Variants in CCNY observed in about 807,000 individuals in gnomAD.
The protein encoded by CCNY is cyclin Y.
Under a neutral mutation model 42.8 loss-of-function variants are expected in CCNY, and 19 were observed. The observed-to-expected ratio is 0.44, with a 90% confidence interval of 0.31 to 0.65. The LOEUF (loss-of-function observed/expected upper bound fraction) is 0.65, where lower values mean the gene tolerates loss of function less well. Ranked by LOEUF, CCNY falls within the 30% of genes least tolerant of loss-of-function variation. The pLI is 0.07. For synonymous variants in CCNY, 165 were observed against 162.7 expected, an observed-to-expected ratio of 1.01 and a Z score of -0.11; for missense variants, 370 against 437.3, an observed-to-expected ratio of 0.85 and a Z score of 1.37.
intron 1 of CCNY, among the ~76,000 whole-genome samples, chr10:35,357,081 C>T (rs894651975): frequency 2.7e-5 from 4 of 148,280 alleles, no homozygotes; most frequent in Non-Finnish European, 4.5e-5. Context: ...CAAAGCTCAT[C>T]ACCTGGCTGG....
chr10:35,333,193 G>A (rs759931075), upstream of CCNY, among the ~76,000 whole-genome samples: 1 of 152,128 alleles, frequency 6.6e-6, no homozygotes, highest in Non-Finnish European at 1.5e-5. Context: ...ACAATGCTCA[G>A]TGTGTACCTC....
chr10:35,506,738 CG>C (rs111296295), intron 3 of CCNY, among the ~76,000 whole-genome samples: 4,832 of 152,250 alleles, frequency 0.032, 242 homozygotes, highest in African/African-American at 0.11. Flanking sequence ...ACACAAGTGA[CG>C]GGGCCACTGA....
intron 7 of CCNY, among the ~76,000 whole-genome samples, chr10:35,541,577 T>C (rs1315116858): frequency 6.6e-6 from 1 of 152,146 alleles, no homozygotes. Context: ...TTTAAAAATA[T>C]TTTGTAGAGA....
intron 3 of CCNY, among the ~76,000 whole-genome samples, chr10:35,260,290 C>T (rs3936502): frequency 0.37 from 55,551 of 152,042 alleles, 10,649 homozygotes; most frequent in African/African-American, 0.49. Flanking sequence ...ATGGGACTTA[C>T]ATTTGGGTTA....
chr10:35,516,883 C>T (rs948204413), intron 4 of CCNY, among the ~76,000 whole-genome samples: 1 of 151,724 alleles, frequency 6.6e-6, no homozygotes, highest in Non-Finnish European at 1.5e-5. Context: ...CATTAAAAGA[C>T]CAGAATCTTA....
chr10:35,416,780 T>A (rs532583877), intron 1 of CCNY, among the ~76,000 whole-genome samples: 1 of 152,310 alleles, frequency 6.6e-6, no homozygotes, highest in South Asian at 2.1e-4. Flanking sequence ...TTTGTGGCCC[T>A]GTTGCCCTGG....
chr10:35,529,737 T>G (rs1231932999), intron 5 of CCNY, among the ~76,000 whole-genome samples: 5 of 151,590 alleles, frequency 3.3e-5, no homozygotes, highest in East Asian at 1.9e-4. Context: ...GGGTGTGGTG[T>G]TGTGTGCCTG....
chr10:35,562,006 A>G (rs1451831268), intron 8 of CCNY, among the ~76,000 whole-genome samples: 1 of 152,248 alleles, frequency 6.6e-6, no homozygotes, highest in Non-Finnish European at 1.5e-5. Context: ...ACAGCATCAC[A>G]GGCCAGCTTA....
intron 3 of CCNY, among the ~76,000 whole-genome samples, chr10:35,255,823 G>A (rs115116304): frequency 0.023 from 3,545 of 152,146 alleles, 125 homozygotes; most frequent in African/African-American, 0.08. Context: ...TCGAACTCCT[G>A]GGCTCAAGCG....
At chr10:35,535,425 T>C (rs1840865294) in intron 7 of CCNY, among the ~76,000 whole-genome samples, 2 of 152,184 alleles carry the variant, frequency 1.3e-5, no homozygotes, top group Admixed American at 1.3e-4. Flanking sequence ...AACAGTTTGC[T>C]GTTTGATCAT....
intron 1 of CCNY, among the ~76,000 whole-genome samples, chr10:35,465,262 G>T (rs542334558): frequency 2.6e-5 from 4 of 152,240 alleles, no homozygotes; most frequent in Non-Finnish European, 5.9e-5. Flanking sequence ...TGATTTCACT[G>T]ACCGATGGCC....
At chr10:35,291,087 C>T (rs867595265) in intron 3 of CCNY, among the ~76,000 whole-genome samples, 8 of 151,950 alleles carry the variant, frequency 5.3e-5, no homozygotes, top group African/African-American at 1.2e-4. Flanking sequence ...CTCACTGCAA[C>T]CTCTGTCTCC....
At chr10:35,542,830 T>A (rs1248080884) in intron 7 of CCNY, among the ~76,000 whole-genome samples, 1 of 152,220 alleles carries the variant, frequency 6.6e-6, no homozygotes, top group Non-Finnish European at 1.5e-5. Flanking sequence ...GTGGCATCTA[T>A]TCAGTGATGA....
At chr10:35,357,582 A>T (rs979335731) in intron 1 of CCNY, among the ~76,000 whole-genome samples, 15 of 152,242 alleles carry the variant, frequency 9.9e-5, no homozygotes, top group African/African-American at 3.6e-4. Flanking sequence ...TGGTAGAAGC[A>T]GTGCCTCGTG....
chr10:35,446,409 A>C (rs1589126858), intron 1 of CCNY, among the ~76,000 whole-genome samples: 1 of 152,122 alleles, frequency 6.6e-6, no homozygotes, highest in Non-Finnish European at 1.5e-5. Context: ...TTTTTTCCCC[A>C]CTAAATATAG....
At chr10:35,425,255 C>T (rs1838241860) in intron 1 of CCNY, among the ~76,000 whole-genome samples, 1 of 152,194 alleles carries the variant, frequency 6.6e-6, no homozygotes, top group South Asian at 2.1e-4. Flanking sequence ...TTGTTGTTTT[C>T]TCCTGTTTTG....
intron 5 of CCNY, 31 bp from the exon 6 acceptor site, chr10:35,529,942 A>G (rs578087543): frequency 1.3e-6 from 2 of 1,561,714 alleles, no homozygotes; most frequent in South Asian, 2.2e-5. Flanking sequence ...TGCAGAAAGT[A>G]AGTTTCATTT....
chr10:35,263,024 C>A (rs774130162), intron 3 of CCNY, among the ~76,000 whole-genome samples: 6 of 151,876 alleles, frequency 4.0e-5, no homozygotes, highest in Non-Finnish European at 7.4e-5. Context: ...TCAAGACCAG[C>A]CTGACTGAGC....
At chr10:35,428,617 A>C (rs1191436693) in intron 1 of CCNY, among the ~76,000 whole-genome samples, 1 of 152,096 alleles carries the variant, frequency 6.6e-6, no homozygotes, top group Non-Finnish European at 1.5e-5. Flanking sequence ...AGAGAGAGAG[A>C]GAGAGAATGG....
Sources: allele counts gnomAD v4.1 joint callset (sites outside exome capture counted in the v4.1 genomes callset), GRCh38; gene constraint gnomAD v4.1.1; transcripts MANE v1.5; gene names NCBI Gene and HGNC (gene_info 2026-07-23, HGNC 2026-07-21).